ENOX1: variants seen among roughly 807,000 people sequenced by gnomAD.
ENOX1 encodes the protein candidate growth-related and time keeping constitutive hydroquinone (NADH) oxidase.
ENOX1 carries 42 observed loss-of-function variants against 82.5 expected under a neutral mutation model. That is an observed-to-expected ratio of 0.51 (90% CI 0.40 to 0.66). The LOEUF (loss-of-function observed/expected upper bound fraction) is 0.66, where lower values mean the gene tolerates loss of function less well. ENOX1 is among the 30% of genes least tolerant of loss of function. The probability of loss-of-function intolerance (pLI) is 0.00; values close to 1 mark genes in which losing one functional copy is unlikely to be tolerated. For synonymous variants in ENOX1, 271 were observed against 282.2 expected (o/e 0.96, Z 0.40); for missense variants, 608 against 811.6 (o/e 0.75, Z 3.05).
Position 43,213,745 on chromosome 13 carries a change from G to T in ENOX1, c.*245C>A. ...AAGATTTTGCCATCATTATGACTGT[G>T]GAATCATTGTTTGGTTTTCATAGGA... is the stretch of plus-strand genomic sequence containing the variant. On this transcript the variant is annotated 3_prime_UTR_variant, in exon 17 of 17. Transcript: ENST00000690772. The T allele has an allele frequency of 3.4e-6, 1 of 296,508 alleles. No individual in the cohort carries two copies. The allele number at this position is 296,508 out of a possible 1,614,324, so 18.4% of individuals were successfully genotyped here.
chr13:43,684,113 A>AAAAAAT (rs2085943692), intron 1 of ENOX1, among the ~76,000 whole-genome samples: 1 of 151,212 alleles, frequency 6.6e-6, no homozygotes. Context: ...AAAAAAAAAA[A>AAAAAAT]TGTAACCTAC....
chr13:43,719,093 T>C (rs2088366810), intron 1 of ENOX1, among the ~76,000 whole-genome samples: 3 of 152,116 alleles, frequency 2.0e-5, no homozygotes, highest in Non-Finnish European at 4.4e-5. Flanking sequence ...TCCAAGCTGA[T>C]CTAGATGTAA....
chr13:43,580,154 A>T (rs1285926584), intron 2 of ENOX1, among the ~76,000 whole-genome samples: 1 of 152,218 alleles, frequency 6.6e-6, no homozygotes, highest in African/African-American at 2.4e-5. Flanking sequence ...TGGGATATTC[A>T]TGTCCTTGAC....
rs558019163 is a variant in ENOX1, at chr13:43,343,467, C to T, written c.1036+1071G>A. ...TTATACTGGATATTTGATCACTTATCGGAATTTACATTTGGGAATTTGTTA... is the reference window on the plus strand; with the variant it reads ...TTATACTGGATATTTGATCACTTATTGGAATTTACATTTGGGAATTTGTTA... On this transcript the variant is annotated intron_variant, in intron 9 of 16. Transcript: ENST00000690772. Among the ~76,000 whole-genome samples the T allele has an allele frequency of 3.9e-5, 6 of 152,278 alleles. No individual in the cohort carries two copies. In the East Asian group the frequency reaches 5.8e-4, roughly 15 times the overall value.
chr13:43,568,795 CTA>C (rs528591587), intron 2 of ENOX1, among the ~76,000 whole-genome samples: 27 of 151,070 alleles, frequency 1.8e-4, no homozygotes, highest in Non-Finnish European at 3.8e-4. Flanking sequence ...GAAACTCATT[CTA>C]TGAGACTAAA....
intron 1 of ENOX1, among the ~76,000 whole-genome samples, chr13:43,759,731 A>G (rs1395596031): frequency 1.3e-5 from 2 of 152,218 alleles, no homozygotes; most frequent in African/African-American, 4.8e-5. Flanking sequence ...ATGTCTCTTC[A>G]GTGTGTAGAT....
At chr13:43,749,791 C>A (rs1419695986) in intron 1 of ENOX1, among the ~76,000 whole-genome samples, 1 of 152,196 alleles carries the variant, frequency 6.6e-6, no homozygotes, top group African/African-American at 2.4e-5. Context: ...GTCATCACAG[C>A]AAAACTATGA....
intron 1 of ENOX1, among the ~76,000 whole-genome samples, chr13:43,785,179 A>G (rs1408162512): frequency 1.3e-5 from 2 of 152,250 alleles, no homozygotes; most frequent in East Asian, 3.9e-4. Flanking sequence ...AGTCTCTATC[A>G]AAGTGGCAAC....
chr13:43,262,132 T>C (rs1170032592), intron 14 of ENOX1, among the ~76,000 whole-genome samples: 1 of 152,112 alleles, frequency 6.6e-6, no homozygotes, highest in African/African-American at 2.4e-5. Context: ...TTCCCTCTGG[T>C]CATATACATG....
At position 43,413,044 on chromosome 13, in the gene ENOX1, C is replaced by T. The variant is rs76561531; in HGVS notation, c.-74-56G>A. 9,012 of 1,404,266 alleles carry T rather than the reference C, an allele frequency of 6.4e-3. 33 individuals carry two copies. Among genetic ancestry groups the T allele is most frequent in the Middle Eastern group, 0.011 (43 of 3,794 alleles). 87.0% of individuals were successfully genotyped at this position (1,404,266 alleles called of 1,614,324 possible). On this transcript the variant is annotated intron_variant, in intron 3 of 16. Transcript: ENST00000690772. The stretch of plus-strand genomic sequence containing the variant: ...ACCTTAATAGTTAACTGAGATAAAA[C>T]GTCAAGGAACAAACTGTTATCTATT...
chr13:43,730,184 C>T (rs571010711), intron 1 of ENOX1, among the ~76,000 whole-genome samples: 1 of 152,250 alleles, frequency 6.6e-6, no homozygotes, highest in South Asian at 2.1e-4. Context: ...TAGTTGGCTA[C>T]CTTAAATACT....
At chr13:43,744,419 G>T (rs1268118499) in intron 1 of ENOX1, among the ~76,000 whole-genome samples, 1 of 152,104 alleles carries the variant, frequency 6.6e-6, no homozygotes, top group African/African-American at 2.4e-5. Flanking sequence ...GAGGAAAGGA[G>T]GCTAGGATAC....
chr13:43,429,099 T>C (rs911141828), intron 3 of ENOX1, among the ~76,000 whole-genome samples: 12 of 152,170 alleles, frequency 7.9e-5, no homozygotes, highest in Non-Finnish European at 1.6e-4. Flanking sequence ...GCAGCACAAT[T>C]TGCATACCAG....
chr13:43,451,039 G>A (rs1287878072), intron 3 of ENOX1, among the ~76,000 whole-genome samples: 4 of 152,138 alleles, frequency 2.6e-5, no homozygotes, highest in Admixed American at 6.5e-5. Flanking sequence ...TCAGGTAAAC[G>A]TTGAGACCTT....
At chr13:43,470,250 A>G (rs1333368469) in intron 3 of ENOX1, among the ~76,000 whole-genome samples, 6 of 43,286 alleles carry the variant, frequency 1.4e-4, no homozygotes, top group East Asian at 1.1e-3. Context: ...ATATATATAC[A>G]TATATATATA....
intron 2 of ENOX1, among the ~76,000 whole-genome samples, chr13:43,517,452 C>T (rs771705172): frequency 2.6e-5 from 4 of 152,064 alleles, no homozygotes; most frequent in South Asian, 4.1e-4. Context: ...GAGCCCAGAT[C>T]GCGCCATTGC....
At chr13:43,638,036 ATAAAAGCAGAGC>A (rs1475186060) in intron 2 of ENOX1, among the ~76,000 whole-genome samples, 1 of 152,218 alleles carries the variant, frequency 6.6e-6, no homozygotes, top group Non-Finnish European at 1.5e-5. Flanking sequence ...TGTTCAACAA[ATAAAAGCAGAGC>A]CTGCTTTGTT....
At chr13:43,573,907 T>A (rs968502949) in intron 2 of ENOX1, among the ~76,000 whole-genome samples, 6 of 152,144 alleles carry the variant, frequency 3.9e-5, no homozygotes, top group African/African-American at 1.4e-4. Flanking sequence ...CAAGGCAAAA[T>A]ACATTGTGCA....
rs1443544463 is a variant in ENOX1 at position 43,470,339 on chromosome 13, T to TACATATATATATAC, written c.-75+13669_-75+13670insGTATATATATATGT. 1.3e-4 allele frequency among the ~76,000 whole-genome samples: 6 copies of TACATATATATATAC among 46,898 alleles called. 1 individual carries two copies. Among genetic ancestry groups the TACATATATATATAC allele is most frequent in the Admixed American group, 2.8e-4 (1 of 3,598 alleles). 30.8% of individuals were successfully genotyped at this position (46,898 alleles called of 152,430 possible). A position where few individuals can be genotyped will look rare whatever the true frequency, so the allele number is the denominator to read the frequency against. Reference sequence around the variant, plus strand: ...ATACACATATATATATGTATATATATACGTATATATATATGTATATATATA... The same window carrying TACATATATATATAC: ...ATACACATATATATATGTATATATATACATATATATATACACGTATATATATATGTATATATATA... On this transcript the variant is annotated intron_variant, in intron 3 of 16. Transcript: ENST00000690772.
Sources: allele counts gnomAD v4.1 joint callset (sites outside exome capture counted in the v4.1 genomes callset), GRCh38; gene constraint gnomAD v4.1.1; transcripts MANE v1.5; gene names NCBI Gene and HGNC (gene_info 2026-07-23, HGNC 2026-07-21).